The following RBMS3 variants were observed in gnomAD, a reference collection of about 807,000 sequenced individuals.
RBMS3 encodes the protein RNA binding motif single stranded interacting protein 3.
Under a neutral mutation model 66.8 loss-of-function variants are expected in RBMS3, and 27 were observed. The ratio of observed to expected loss-of-function variants is 0.40; its 90% CI spans 0.30 to 0.56. The LOEUF (loss-of-function observed/expected upper bound fraction) is 0.56. RBMS3 is among the 20% of genes least tolerant of loss of function. RBMS3 has a pLI of 0.40. For synonymous variants in RBMS3, 188 were observed against 183.0 expected (o/e 1.03, Z -0.22); for missense variants, 513 against 549.5 (o/e 0.93, Z 0.66).
intron 6 of RBMS3, among the ~76,000 whole-genome samples, chr3:29,788,056 G>A (rs1045687200): frequency 6.6e-6 from 1 of 151,980 alleles, no homozygotes; most frequent in East Asian, 1.9e-4. Context: ...TTTCTCCCTA[G>A]AAAAGCTATT....
intron 1 of RBMS3, among the ~76,000 whole-genome samples, chr3:29,413,166 C>T (rs1400050301): frequency 5.3e-5 from 8 of 152,084 alleles, no homozygotes; most frequent in African/African-American, 1.7e-4. Flanking sequence ...GTCAGGAATT[C>T]GAGACCAGCC....
At chr3:29,716,687 G>T (rs1353001082) in intron 4 of RBMS3, among the ~76,000 whole-genome samples, 2 of 152,106 alleles carry the variant, frequency 1.3e-5, no homozygotes, top group African/African-American at 4.8e-5. Flanking sequence ...AGGATACTTA[G>T]TTGTTTCCGG....
At chr3:29,988,616 T>C (rs1437175574) in intron 13 of RBMS3, among the ~76,000 whole-genome samples, 1 of 152,114 alleles carries the variant, frequency 6.6e-6, no homozygotes, top group African/African-American at 2.4e-5. Context: ...TGGTATCCCT[T>C]GAGAGCTTGT....
intron 10 of RBMS3, among the ~76,000 whole-genome samples, chr3:29,911,680 G>A (rs967557909): frequency 4.6e-5 from 7 of 152,034 alleles, no homozygotes; most frequent in South Asian, 2.1e-4. Context: ...CCAAGAATGC[G>A]TAGTGTCTCA....
Position 29,963,957 on chromosome 3 carries a change from G to A in RBMS3, c.1098+19703G>A, listed in dbSNP as rs539581521. Among the ~76,000 whole-genome samples, 123 of 152,106 alleles carry A rather than the reference G, an allele frequency of 8.1e-4. 2 individuals are homozygous for A. Among genetic ancestry groups the A allele is most frequent in the Non-Finnish European group, 2.9e-4 (20 of 68,010 alleles). ...AAAAACTGAAAACCTATTTAGCTTG[G>A]CTTATTTCATCATATTTCAAATTTG... is the stretch of plus-strand genomic sequence containing the variant. On this transcript the variant is annotated intron_variant, in intron 12 of 14. Coordinates refer to ENST00000383767, the MANE Select transcript of RBMS3 (RefSeq NM_001003793.3).
At chr3:29,841,810 A>G (rs2058669214) in intron 6 of RBMS3, among the ~76,000 whole-genome samples, 1 of 152,104 alleles carries the variant, frequency 6.6e-6, no homozygotes, top group South Asian at 2.1e-4. Context: ...TTCTAAAATT[A>G]TAATAATTCC....
chr3:29,733,966 G>C (rs1459470412), intron 4 of RBMS3, among the ~76,000 whole-genome samples: 1 of 151,932 alleles, frequency 6.6e-6, no homozygotes, highest in Non-Finnish European at 1.5e-5. Context: ...TCATTATTCT[G>C]TATGTGGATA....
intron 14 of RBMS3, among the ~76,000 whole-genome samples, chr3:30,000,654 G>A (rs906493465): frequency 6.6e-6 from 1 of 152,124 alleles, no homozygotes; most frequent in South Asian, 2.1e-4. Flanking sequence ...GCCCATTAAT[G>A]ATAGACTTGA....
intron 14 of RBMS3, among the ~76,000 whole-genome samples, chr3:29,997,138 A>G (rs1699300884): frequency 1.3e-5 from 2 of 151,706 alleles, no homozygotes; most frequent in Admixed American, 1.3e-4. Context: ...TACTACAAAC[A>G]CCTCTACGCA....
intron 6 of RBMS3, among the ~76,000 whole-genome samples, chr3:29,790,418 A>G (rs948011164): frequency 1.3e-5 from 2 of 152,118 alleles, no homozygotes; most frequent in Non-Finnish European, 2.9e-5. Context: ...TAGTATTAAT[A>G]TATTTTGTGT....
At chr3:29,781,662 C>T (rs1308963023) in intron 6 of RBMS3, among the ~76,000 whole-genome samples, 4 of 152,020 alleles carry the variant, frequency 2.6e-5, no homozygotes, top group Admixed American at 2.0e-4. Flanking sequence ...TGGATCACTG[C>T]TGCAGGCTCC....
chr3:29,441,685 A>T (rs944385894), intron 2 of RBMS3, among the ~76,000 whole-genome samples: 2 of 152,188 alleles, frequency 1.3e-5, no homozygotes, highest in African/African-American at 4.8e-5. Context: ...ACCTTCAGAA[A>T]ATAGGTTTGG....
chr3:29,909,205 G>A (rs759701361), intron 10 of RBMS3, among the ~76,000 whole-genome samples: 21 of 152,152 alleles, frequency 1.4e-4, no homozygotes, highest in Middle Eastern at 3.4e-3. Flanking sequence ...CAACTTTCAC[G>A]CAGTCAAATC....
At chr3:29,698,280 G>A in intron 4 of RBMS3, 3 of 985,356 alleles carry the variant, frequency 3.0e-6, no homozygotes, top group Non-Finnish European at 3.6e-6. Flanking sequence ...ATGGCAAAAT[G>A]TAGTCCCTGG....
chr3:29,444,851 C>G (rs1029444082), intron 2 of RBMS3, among the ~76,000 whole-genome samples: 2 of 115,556 alleles, frequency 1.7e-5, no homozygotes, highest in Admixed American at 1.2e-4. Context: ...TCCTAACATT[C>G]CTCCCTTGAT....
chr3:29,971,041 G>A (rs1192996885), intron 12 of RBMS3, among the ~76,000 whole-genome samples: 6 of 151,790 alleles, frequency 4.0e-5, no homozygotes, highest in African/African-American at 9.7e-5. Context: ...CCCATTCCCC[G>A]CTTTATAACT....
chr3:29,384,432 T>TAAG (rs561847341), intron 1 of RBMS3, among the ~76,000 whole-genome samples: 4,168 of 99,300 alleles, frequency 0.042, 71 homozygotes, highest in Middle Eastern at 0.067. Context: ...ATAATAATAA[T>TAAG]AATAAGAAGA....
At chr3:29,640,696 A>G (rs1427672803) in intron 4 of RBMS3, among the ~76,000 whole-genome samples, 2 of 151,190 alleles carry the variant, frequency 1.3e-5, no homozygotes, top group African/African-American at 4.9e-5. Context: ...TATCAATCAT[A>G]TAGTGGTCCT....
chr3:29,489,739 T>TAA (rs201069908), intron 3 of RBMS3, among the ~76,000 whole-genome samples: 4,525 of 123,896 alleles, frequency 0.037, 102 homozygotes, highest in Middle Eastern at 0.081. Flanking sequence ...CACGTAGCTG[T>TAA]AAAAAAAAAA....
Sources: allele counts gnomAD v4.1 joint callset (sites outside exome capture counted in the v4.1 genomes callset), GRCh38; gene constraint gnomAD v4.1.1; transcripts MANE v1.5; gene names NCBI Gene and HGNC (gene_info 2026-07-23, HGNC 2026-07-21).